The following ATRNL1 variants were observed in gnomAD, a reference collection of about 807,000 sequenced individuals.
ATRNL1 encodes the protein attractin like 1, also known as attractin-like protein 1.
A neutral mutation model predicts 182.7 loss-of-function variants in ATRNL1; 95 were observed. The ratio of observed to expected loss-of-function variants is 0.52; its 90% CI spans 0.44 to 0.62. The LOEUF is 0.62. Among genes scored for constraint, ATRNL1 ranks in the 20% least tolerant of loss-of-function variants. The pLI, the probability that ATRNL1 is intolerant of heterozygous loss-of-function variation, is 0.00. For synonymous variants in ATRNL1, 576 were observed against 568.3 expected (o/e 1.01, Z -0.19); for missense variants, 1,471 against 1,679.5 (o/e 0.88, Z 2.17).
intron 10 of ATRNL1, among the ~76,000 whole-genome samples, chr10:115,243,645 G>A (rs1212695266): frequency 6.6e-6 from 1 of 151,880 alleles, no homozygotes; most frequent in Non-Finnish European, 1.5e-5. Context: ...TCTTAATTAT[G>A]GCAACAAATT....
At chr10:115,107,505 T>C (rs782515614) in intron 1 of ATRNL1, among the ~76,000 whole-genome samples, 32 of 152,170 alleles carry the variant, frequency 2.1e-4, no homozygotes, top group Non-Finnish European at 4.3e-4. Context: ...TTTGCTGGGC[T>C]GAGCCTACAT....
chr10:115,745,938 T>A (rs545488908), intron 27 of ATRNL1, among the ~76,000 whole-genome samples: 1 of 152,182 alleles, frequency 6.6e-6, no homozygotes, highest in Non-Finnish European at 1.5e-5. Flanking sequence ...AATCCAAAAA[T>A]TGAATTTTGG....
chr10:115,790,498 A>G (rs1247822187), intron 27 of ATRNL1, among the ~76,000 whole-genome samples: 1 of 152,136 alleles, frequency 6.6e-6, no homozygotes, highest in African/African-American at 2.4e-5. Flanking sequence ...ATCTGTTCCT[A>G]AACAGTGACC....
chr10:115,140,527 AT>A (rs1265625812), intron 5 of ATRNL1, among the ~76,000 whole-genome samples: 1 of 152,018 alleles, frequency 6.6e-6, no homozygotes, highest in Non-Finnish European at 1.5e-5. Flanking sequence ...ATTACAACAG[AT>A]TTTTTTTCCT....
chr10:115,595,335 A>G (rs1242014301), intron 26 of ATRNL1, among the ~76,000 whole-genome samples: 12 of 152,164 alleles, frequency 7.9e-5, no homozygotes, highest in Admixed American at 7.2e-4. Context: ...CGAGTTTTCA[A>G]CTGGAAAATA....
intron 24 of ATRNL1, among the ~76,000 whole-genome samples, chr10:115,479,812 G>A (rs1848684313): frequency 6.6e-6 from 1 of 151,286 alleles, no homozygotes; most frequent in Admixed American, 6.6e-5. Flanking sequence ...AAGTACTACT[G>A]TAGCGGTAGT....
At chr10:115,700,173 T>G (rs1338127407) in intron 26 of ATRNL1, among the ~76,000 whole-genome samples, 3 of 151,998 alleles carry the variant, frequency 2.0e-5, no homozygotes, top group African/African-American at 7.3e-5. Context: ...CTTTTTTGGT[T>G]AAATGATTTA....
At chr10:115,689,953 C>T (rs1946337621) in intron 26 of ATRNL1, among the ~76,000 whole-genome samples, 1 of 152,178 alleles carries the variant, frequency 6.6e-6, no homozygotes, top group Non-Finnish European at 1.5e-5. Flanking sequence ...GTACTTGTAA[C>T]AGTGTGCAGA....
chr10:115,908,749 A>G (rs1952577722), intron 28 of ATRNL1, among the ~76,000 whole-genome samples: 1 of 152,202 alleles, frequency 6.6e-6, no homozygotes, highest in African/African-American at 2.4e-5. Context: ...TCTCAGAGGT[A>G]TATTCGGTTC....
At chr10:115,770,330 A>T (rs1196009401) in intron 27 of ATRNL1, among the ~76,000 whole-genome samples, 2 of 152,144 alleles carry the variant, frequency 1.3e-5, no homozygotes, top group Non-Finnish European at 2.9e-5. Flanking sequence ...AAGCAATGAA[A>T]ATAAGAGATA....
At chr10:115,792,843 A>G (rs1035528625) in intron 27 of ATRNL1, among the ~76,000 whole-genome samples, 2 of 151,880 alleles carry the variant, frequency 1.3e-5, no homozygotes, top group Non-Finnish European at 2.9e-5. Flanking sequence ...TATACACAGA[A>G]CTCTACTTCT....
At chr10:115,881,821 G>A (rs1309949284) in intron 28 of ATRNL1, among the ~76,000 whole-genome samples, 1 of 152,088 alleles carries the variant, frequency 6.6e-6, no homozygotes, top group East Asian at 1.9e-4. Flanking sequence ...AAGCTCACCT[G>A]CCCTGCATTA....
intron 19 of ATRNL1, among the ~76,000 whole-genome samples, chr10:115,386,734 T>C (rs1211786219): frequency 6.6e-6 from 1 of 151,576 alleles, no homozygotes; most frequent in Non-Finnish European, 1.5e-5. Context: ...TACATATGTA[T>C]ACATGTGCCA....
rs1297159138 is a variant in ATRNL1, at chr10:115,947,320, C to G, written c.*2541C>G. ...TTCCCAGAATTTCGCAGTTAAATGG[C>G]TGATCCTCTTGAAAACTAACCTTAA... On this transcript the variant is annotated 3_prime_UTR_variant, in exon 29 of 29. Transcript: ENST00000355044. 1 of 152,466 alleles carries G rather than the reference C, an allele frequency of 6.6e-6. No individual in the cohort carries two copies. The allele number at this position is 152,466 out of a possible 1,614,324, so 9.4% of individuals were successfully genotyped here.
chr10:115,493,925 G>T (rs1554977392), intron 24 of ATRNL1, among the ~76,000 whole-genome samples: 1 of 152,036 alleles, frequency 6.6e-6, no homozygotes, highest in Non-Finnish European at 1.5e-5. Context: ...TTTGAAATGT[G>T]TCAGTTTGTG....
intron 28 of ATRNL1, among the ~76,000 whole-genome samples, chr10:115,901,743 G>GA (rs562327427): frequency 0.035 from 2,022 of 58,052 alleles, 26 homozygotes; most frequent in Non-Finnish European, 0.051. Flanking sequence ...GAACTGAGAA[G>GA]AAAAAAAAAA....
intron 28 of ATRNL1, among the ~76,000 whole-genome samples, chr10:115,888,070 G>A (rs1403415711): frequency 6.6e-6 from 1 of 152,130 alleles, no homozygotes; most frequent in Non-Finnish European, 1.5e-5. Context: ...CTGTAAGGTG[G>A]TCCCACGAGA....
At chr10:115,676,866 A>G (rs77585980) in intron 26 of ATRNL1, among the ~76,000 whole-genome samples, 88 of 152,132 alleles carry the variant, frequency 5.8e-4, no homozygotes, top group Non-Finnish European at 1.1e-3. Flanking sequence ...ATCATGTCAG[A>G]TATGCTTAAA....
At chr10:115,936,771 G>A (rs966312936) in intron 28 of ATRNL1, among the ~76,000 whole-genome samples, 1 of 151,800 alleles carries the variant, frequency 6.6e-6, no homozygotes, top group Admixed American at 6.6e-5. Context: ...GAATGACTAG[G>A]GTTTCTAATA....
Sources: allele counts gnomAD v4.1 joint callset (sites outside exome capture counted in the v4.1 genomes callset), GRCh38; gene constraint gnomAD v4.1.1; transcripts MANE v1.5; gene names NCBI Gene and HGNC (gene_info 2026-07-23, HGNC 2026-07-21).